The following SPOCK1 variants were observed in gnomAD, a reference collection of about 807,000 sequenced individuals.
SPOCK1 encodes the protein testican-1.
In SPOCK1, 23 loss-of-function variants were observed where a neutral mutation model predicts 55.3. That is an observed-to-expected ratio of 0.42 (90% CI 0.30 to 0.59). SPOCK1 has a LOEUF of 0.59. Among genes scored for constraint, SPOCK1 ranks in the 20% least tolerant of loss-of-function variants. The pLI is 0.22. For missense variants in SPOCK1, 499 were observed against 552.5 expected (o/e 0.90, Z 0.97); for synonymous variants, 226 against 221.0 (o/e 1.02, Z -0.20).
chr5:136,980,468 G>T (rs1363130332), intron 9 of SPOCK1, among the ~76,000 whole-genome samples: 1 of 152,200 alleles, frequency 6.6e-6, no homozygotes, highest in Non-Finnish European at 1.5e-5. Flanking sequence ...CCCACGTGTT[G>T]TGGGAGGGAC....
chr5:137,371,064 G>A (rs1751190977), intron 2 of SPOCK1, among the ~76,000 whole-genome samples: 1 of 152,184 alleles, frequency 6.6e-6, no homozygotes, highest in South Asian at 2.1e-4. Flanking sequence ...CATTTTCTGG[G>A]CTTATGCCTT....
At chr5:137,374,506 G>C (rs1240073299) in intron 2 of SPOCK1, among the ~76,000 whole-genome samples, 5 of 152,184 alleles carry the variant, frequency 3.3e-5, no homozygotes, top group Non-Finnish European at 7.3e-5. Context: ...GCAGGGAGGA[G>C]GGCCTCAGAG....
At position 136,977,401 on chromosome 5, in the gene SPOCK1, G is replaced by A. The variant is rs929388907; in HGVS notation, c.*1253C>T. On this transcript the variant is annotated 3_prime_UTR_variant, in exon 11 of 11. Transcript: ENST00000394945. ...TGTGTTATTACGATGTTCTTTGTAG[G>A]CCTCCATTTGGGATTGAGTGGTTAA... is the stretch of plus-strand genomic sequence containing the variant. The A allele has an allele frequency of 3.2e-5, 5 of 158,370 alleles. No individual in the cohort carries two copies. Among genetic ancestry groups the A allele is most frequent in the African/African-American group, 1.2e-4 (5 of 41,774 alleles). The allele number at this position is 158,370 out of a possible 1,614,324, so 9.8% of individuals were successfully genotyped here.
chr5:137,112,657 G>C (rs1317760296), intron 4 of SPOCK1, 96 bp from the exon 5 acceptor site: 12 of 1,409,628 alleles, frequency 8.5e-6, no homozygotes, highest in Non-Finnish European at 1.1e-5. Context: ...ATAAATAAAG[G>C]ACTATCCAAC....
intron 3 of SPOCK1, among the ~76,000 whole-genome samples, chr5:137,170,572 G>C (rs7705341): frequency 0.66 from 100,169 of 151,026 alleles, 33,576 homozygotes; most frequent in African/African-American, 0.77. Flanking sequence ...GGAGAGACAC[G>C]AATGAGCCTG....
intron 5 of SPOCK1, among the ~76,000 whole-genome samples, chr5:137,079,160 C>T (rs1369113998): frequency 6.6e-6 from 1 of 152,244 alleles, no homozygotes; most frequent in Non-Finnish European, 1.5e-5. Context: ...ACCTCTAACA[C>T]TCTGTCTCTT....
At chr5:137,400,964 C>T (rs1751962473) in intron 2 of SPOCK1, among the ~76,000 whole-genome samples, 1 of 149,398 alleles carries the variant, frequency 6.7e-6, no homozygotes, top group Non-Finnish European at 1.5e-5. Flanking sequence ...AAACCCCTCT[C>T]CCGCCCACCC....
At chr5:137,129,993 C>G (rs1044078373) in intron 4 of SPOCK1, among the ~76,000 whole-genome samples, 6 of 152,262 alleles carry the variant, frequency 3.9e-5, no homozygotes, top group African/African-American at 4.8e-5. Context: ...TTTCTTCCCC[C>G]CTCATCCTTC....
intron 2 of SPOCK1, among the ~76,000 whole-genome samples, chr5:137,407,525 A>G (rs1752125814): frequency 6.6e-6 from 1 of 152,158 alleles, no homozygotes; most frequent in East Asian, 1.9e-4. Flanking sequence ...GTAGTGACCC[A>G]GGAATGCTTA....
At chr5:137,314,944 A>C (rs75882085) in intron 2 of SPOCK1, among the ~76,000 whole-genome samples, 1 of 152,172 alleles carries the variant, frequency 6.6e-6, no homozygotes, top group African/African-American at 2.4e-5. Context: ...CTCAGTCTCA[A>C]TACCCAGCAG....
chr5:137,285,533 G>A (rs1373060854), intron 2 of SPOCK1, among the ~76,000 whole-genome samples: 1 of 152,094 alleles, frequency 6.6e-6, no homozygotes, highest in Non-Finnish European at 1.5e-5. Context: ...TCAGAAAAAT[G>A]GCCCACTCAT....
At chr5:137,399,700 G>A (rs1427236443) in intron 2 of SPOCK1, among the ~76,000 whole-genome samples, 1 of 152,124 alleles carries the variant, frequency 6.6e-6, no homozygotes, top group African/African-American at 2.4e-5. Flanking sequence ...GCTTTGTGCA[G>A]TGATTAAAAG....
chr5:137,388,695 T>A (rs1580898720), intron 2 of SPOCK1, among the ~76,000 whole-genome samples: 1 of 152,218 alleles, frequency 6.6e-6, no homozygotes, highest in East Asian at 1.9e-4. Flanking sequence ...TTTCTGGATG[T>A]GGCATTCACA....
chr5:137,265,088 G>C (rs1047381720), intron 3 of SPOCK1, among the ~76,000 whole-genome samples: 5 of 152,268 alleles, frequency 3.3e-5, no homozygotes, highest in Middle Eastern at 3.4e-3. Context: ...ATTCCTAGGA[G>C]AGAAAAATCC....
chr5:137,317,572 T>C (rs940966525), intron 2 of SPOCK1, among the ~76,000 whole-genome samples: 3 of 152,188 alleles, frequency 2.0e-5, no homozygotes, highest in Non-Finnish European at 4.4e-5. Context: ...AGTTAAAACA[T>C]CCTTGTCAAA....
At position 136,977,565 on chromosome 5, in the gene SPOCK1, G is replaced by GT. The variant is rs1750642450; in HGVS notation, c.*1088dup. On this transcript the variant is annotated 3_prime_UTR_variant, in exon 11 of 11. Transcript: ENST00000394945. ...GGTACTCTCAGAGAACAGGAGATAT[G>GT]TGTGCATGCCTTAGAAAAAGCCCTT... The GT allele has an allele frequency of 2.6e-6, 1 of 378,664 alleles. No homozygotes were observed. Among genetic ancestry groups the GT allele is most frequent in the African/African-American group, 2.1e-5 (1 of 48,252 alleles). The allele number at this position is 378,664 out of a possible 1,614,324, so 23.5% of individuals were successfully genotyped here.
intron 9 of SPOCK1, among the ~76,000 whole-genome samples, chr5:136,983,642 G>T (rs1184372452): frequency 7.8e-6 from 1 of 128,082 alleles, no homozygotes; most frequent in Admixed American, 8.0e-5. Context: ...AAAATGGGCT[G>T]AGGCCCTGGG....
chr5:137,480,157 G>A (rs964606253), intron 2 of SPOCK1, among the ~76,000 whole-genome samples: 2 of 152,156 alleles, frequency 1.3e-5, no homozygotes, highest in Non-Finnish European at 2.9e-5. Flanking sequence ...AGGGAAAGCA[G>A]CAATTAAAAA....
chr5:137,251,394 G>A (rs1756526021), intron 3 of SPOCK1, among the ~76,000 whole-genome samples: 1 of 152,224 alleles, frequency 6.6e-6, no homozygotes, highest in Non-Finnish European at 1.5e-5. Context: ...GCAAGACTAG[G>A]AGCCAGGAGA....
Sources: gnomAD v4.1 joint callset for allele counts (sites outside exome capture counted in the v4.1 genomes callset) on GRCh38, gnomAD v4.1.1 for gene constraint, MANE v1.5 for transcripts, NCBI Gene and HGNC (gene_info 2026-07-23, HGNC 2026-07-21) for gene names.